FOXN3: variants seen among roughly 807,000 people sequenced by gnomAD.
The protein encoded by FOXN3 is forkhead box protein N3.
Under a neutral mutation model 38.4 loss-of-function variants are expected in FOXN3, and 7 were observed. That is an observed-to-expected ratio of 0.18 (90% CI 0.10 to 0.34). FOXN3 has a LOEUF of 0.34. FOXN3 is among the 10% of genes least tolerant of loss of function. The pLI is 1.00. For missense variants in FOXN3, 456 were observed against 613.4 expected (o/e 0.74, Z 2.71); for synonymous variants, 230 against 242.2 (o/e 0.95, Z 0.47).
At chr14:89,498,652 G>A (rs984951062) in intron 1 of FOXN3, among the ~76,000 whole-genome samples, 2 of 152,078 alleles carry the variant, frequency 1.3e-5, no homozygotes, top group African/African-American at 4.8e-5. Flanking sequence ...ATTTGGTCAC[G>A]CTACTGTTGG....
At chr14:89,278,485 C>G (rs868053189) in intron 4 of FOXN3, among the ~76,000 whole-genome samples, 37 of 152,274 alleles carry the variant, frequency 2.4e-4, no homozygotes, top group Middle Eastern at 6.8e-3. Flanking sequence ...TATCCCCCAC[C>G]CTGGTTCAAT....
chr14:89,430,709 G>A (rs993545085), intron 1 of FOXN3, among the ~76,000 whole-genome samples: 4 of 152,060 alleles, frequency 2.6e-5, no homozygotes, highest in Admixed American at 2.6e-4. Flanking sequence ...AAGTACTTCC[G>A]TTAGCTCTTA....
intron 2 of FOXN3, among the ~76,000 whole-genome samples, chr14:89,381,312 G>C (rs1281675407): frequency 1.3e-5 from 2 of 151,986 alleles, no homozygotes; most frequent in East Asian, 3.9e-4. Flanking sequence ...AGGATTCCTT[G>C]GGTGACTCAC....
intron 3 of FOXN3, among the ~76,000 whole-genome samples, chr14:89,299,746 C>T (rs1887159195): frequency 6.6e-6 from 1 of 152,198 alleles, no homozygotes. Context: ...CCACTCCCTC[C>T]TTCCTTTGGC....
At chr14:89,518,510 C>T (rs1894252321) in intron 1 of FOXN3, among the ~76,000 whole-genome samples, 1 of 152,176 alleles carries the variant, frequency 6.6e-6, no homozygotes, top group Admixed American at 6.5e-5. Flanking sequence ...AGTTAGACAG[C>T]CAAGTATCCT....
chr14:89,276,785 G>A (rs554071079), intron 4 of FOXN3, among the ~76,000 whole-genome samples: 1 of 152,338 alleles, frequency 6.6e-6, no homozygotes, highest in Admixed American at 6.5e-5. Flanking sequence ...GGCCAAAATG[G>A]TCAGGCAGTA....
At chr14:89,503,598 G>A (rs886919560) in intron 1 of FOXN3, among the ~76,000 whole-genome samples, 6 of 152,290 alleles carry the variant, frequency 3.9e-5, no homozygotes, top group East Asian at 1.9e-4. Context: ...TACCAACACC[G>A]GTAATTCATA....
chr14:89,488,696 C>T (rs1050264129), intron 1 of FOXN3, among the ~76,000 whole-genome samples: 1 of 151,222 alleles, frequency 6.6e-6, no homozygotes. Flanking sequence ...GAGGGAAGAA[C>T]CGCAACTGCT....
intron 1 of FOXN3, among the ~76,000 whole-genome samples, chr14:89,479,930 G>A (rs776576953): frequency 5.9e-5 from 9 of 152,238 alleles, no homozygotes; most frequent in African/African-American, 9.6e-5. Context: ...GAAAGTTTCC[G>A]TCTTGTGTTT....
intron 2 of FOXN3, among the ~76,000 whole-genome samples, chr14:89,374,846 G>A (rs1034742316): frequency 1.2e-4 from 18 of 151,818 alleles, no homozygotes; most frequent in African/African-American, 3.9e-4. Context: ...GTGTGGTGGC[G>A]CACGCCTGTA....
At chr14:89,341,967 C>T (rs1161117558) in intron 3 of FOXN3, among the ~76,000 whole-genome samples, 3 of 152,174 alleles carry the variant, frequency 2.0e-5, no homozygotes, top group African/African-American at 7.2e-5. Context: ...AGACTCCAGG[C>T]ACCTACTAGG....
intron 4 of FOXN3, among the ~76,000 whole-genome samples, chr14:89,205,694 A>C (rs1453981521): frequency 1.3e-5 from 2 of 152,228 alleles, no homozygotes; most frequent in African/African-American, 2.4e-5. Flanking sequence ...AGAGAGTCTA[A>C]CTGAGCTGAT....
At chr14:89,379,842 G>A (rs1376440544) in intron 2 of FOXN3, among the ~76,000 whole-genome samples, 1 of 151,774 alleles carries the variant, frequency 6.6e-6, no homozygotes, top group Non-Finnish European at 1.5e-5. Context: ...TTTATTTTTA[G>A]TAGGGACAGA....
intron 4 of FOXN3, among the ~76,000 whole-genome samples, chr14:89,280,686 G>C (rs1212423602): frequency 6.6e-6 from 1 of 152,072 alleles, no homozygotes; most frequent in South Asian, 2.1e-4. Flanking sequence ...AACACTTCCA[G>C]AATATGAACA....
intron 1 of FOXN3, among the ~76,000 whole-genome samples, chr14:89,492,599 C>A (rs1893603619): frequency 6.6e-6 from 1 of 152,148 alleles, no homozygotes; most frequent in South Asian, 2.1e-4. Context: ...GTTGTCCCGG[C>A]TACTTGGGAA....
chr14:89,214,369 G>T (rs961281502), intron 4 of FOXN3, among the ~76,000 whole-genome samples: 1 of 152,212 alleles, frequency 6.6e-6, no homozygotes, highest in African/African-American at 2.4e-5. Flanking sequence ...CACTCCCTTG[G>T]CTGGACAGAA....
chr14:89,435,476 C>T (rs1304539781), intron 1 of FOXN3, among the ~76,000 whole-genome samples: 1 of 152,084 alleles, frequency 6.6e-6, no homozygotes, highest in South Asian at 2.1e-4. Flanking sequence ...ACTCCCTTAA[C>T]TCACTGCCAT....
intron 4 of FOXN3, among the ~76,000 whole-genome samples, chr14:89,246,713 T>C (rs1234697400): frequency 6.6e-6 from 1 of 151,936 alleles, no homozygotes; most frequent in African/African-American, 2.4e-5. Context: ...TAATTTTTTG[T>C]ATTTTTTAGT....
chr14:89,431,994 C>T (rs1044952419), intron 1 of FOXN3, among the ~76,000 whole-genome samples: 7 of 152,226 alleles, frequency 4.6e-5, no homozygotes, highest in Non-Finnish European at 7.3e-5. Context: ...GGATTACAGG[C>T]GTGAGCCACC....
Sources: gnomAD v4.1 joint callset for allele counts (sites outside exome capture counted in the v4.1 genomes callset) on GRCh38, gnomAD v4.1.1 for gene constraint, MANE v1.5 for transcripts, NCBI Gene and HGNC (gene_info 2026-07-23, HGNC 2026-07-21) for gene names.